The following ARIH2 variants were observed in gnomAD, a reference collection of about 807,000 sequenced individuals.
ARIH2 encodes the protein ariadne RBR E3 ubiquitin protein ligase 2.
In ARIH2, 12 loss-of-function variants were observed where a neutral mutation model predicts 79.8. The ratio of observed to expected loss-of-function variants is 0.15; its 90% CI spans 0.10 to 0.24. ARIH2 has a LOEUF of 0.24. ARIH2 is among the 10% of genes least tolerant of loss of function. The probability of loss-of-function intolerance (pLI) is 1.00; values close to 1 mark genes in which losing one functional copy is unlikely to be tolerated. For synonymous variants in ARIH2, 224 were observed against 213.9 expected, an observed-to-expected ratio of 1.05 and a Z score of -0.41; for missense variants, 301 against 618.3, an observed-to-expected ratio of 0.49 and a Z score of 5.44.
At chr3:48,966,358 G>C (rs1216121798) in intron 5 of ARIH2, among the ~76,000 whole-genome samples, 1 of 152,140 alleles carries the variant, frequency 6.6e-6, no homozygotes, top group Admixed American at 6.6e-5. Context: ...TAATGTTCTT[G>C]TAAGTGGACT....
Position 48,927,689 on chromosome 3 carries a change from G to T in ARIH2, c.131G>T (p.Ser44Ile). The T allele has an allele frequency of 6.2e-7, 1 of 1,614,174 alleles. No homozygotes were observed. Among genetic ancestry groups the T allele is most frequent in the Non-Finnish European group, 8.5e-7 (1 of 1,180,028 alleles). Residue 44 changes from serine to isoleucine, a missense_variant, in exon 3 of 16, where the codon AGC (serine) becomes ATC (isoleucine). Ser to Ile is a moderately radical substitution (Grantham distance 142). Around this residue, in one of 2 missense-constraint regions of ARIH2, gnomAD observed 223 missense variants for 349.4 expected, o/e 0.64. Transcript: ENST00000356401. ...DIEDYYVGVA[S>I]DVEQQGADAF... is the part of the protein sequence containing the mutation. Reference sequence around the variant, plus strand: ...GAGGACTATTACGTGGGAGTAGCCAGCGATGTGGAGCAGCAGGGGGCTGAT... The same window carrying T: ...GAGGACTATTACGTGGGAGTAGCCATCGATGTGGAGCAGCAGGGGGCTGAT...
intron 8 of ARIH2, 197 bp from the exon 9 acceptor site, chr3:48,973,502 G>A (rs774711293): frequency 9.6e-6 from 4 of 418,838 alleles, no homozygotes; most frequent in Non-Finnish European, 1.8e-5. Flanking sequence ...GCATGAACCC[G>A]GGAGGCAGAG....
chr3:48,963,226 A>C (rs1049968277), intron 4 of ARIH2, among the ~76,000 whole-genome samples: 1 of 152,224 alleles, frequency 6.6e-6, no homozygotes, highest in Non-Finnish European at 1.5e-5. Flanking sequence ...ATGGAATTGC[A>C]GATGAACTGC....
chr3:48,939,757 C>CAAAAA (rs1190260583), intron 3 of ARIH2, among the ~76,000 whole-genome samples: 12 of 43,472 alleles, frequency 2.8e-4, no homozygotes, highest in Admixed American at 5.6e-4. Flanking sequence ...GACTCCATCT[C>CAAAAA]AAAAAAAAAA....
chr3:48,947,108 C>T (rs987964512), intron 3 of ARIH2, among the ~76,000 whole-genome samples: 2 of 152,082 alleles, frequency 1.3e-5, no homozygotes, highest in African/African-American at 4.8e-5. Flanking sequence ...AGCAGAACAT[C>T]CGGTGAAATA....
At chr3:48,923,156 G>A (rs994493630) in intron 2 of ARIH2, among the ~76,000 whole-genome samples, 1 of 151,320 alleles carries the variant, frequency 6.6e-6, no homozygotes, top group Non-Finnish European at 1.5e-5. Flanking sequence ...GCAGTGAGCC[G>A]AGATCCCGCC....
At chr3:48,958,927 A>G (rs2090926290) in intron 3 of ARIH2, among the ~76,000 whole-genome samples, 6 of 151,922 alleles carry the variant, frequency 3.9e-5, no homozygotes, top group African/African-American at 1.5e-4. Context: ...AGCTGGGAGT[A>G]TCACTTGAGC....
At chr3:48,957,239 C>T (rs2090697375) in intron 3 of ARIH2, among the ~76,000 whole-genome samples, 1 of 152,224 alleles carries the variant, frequency 6.6e-6, no homozygotes, top group South Asian at 2.1e-4. Context: ...TAGGTGAGCA[C>T]TACCTAGTGT....
At chr3:48,931,902 A>G (rs2086419418) in intron 3 of ARIH2, among the ~76,000 whole-genome samples, 2 of 152,112 alleles carry the variant, frequency 1.3e-5, no homozygotes, top group East Asian at 3.9e-4. Flanking sequence ...CCAGCTACTC[A>G]GGAGGCTGAG....
At chr3:48,940,403 G>A (rs912374636) in intron 3 of ARIH2, among the ~76,000 whole-genome samples, 6 of 151,726 alleles carry the variant, frequency 4.0e-5, no homozygotes, top group Non-Finnish European at 5.9e-5. Flanking sequence ...GAGAGAGAGC[G>A]CACAAGTGAG....
rs1398927470 is a variant in ARIH2 at position 48,986,321 on chromosome 3, C to G, written c.*3051C>G. 6.6e-6 allele frequency: 1 copy of G among 152,208 alleles called. No individual in the cohort carries two copies. The highest frequency in any genetic ancestry group is 2.4e-5 in the African/African-American group (1 of 41,438). The allele number at this position is 152,208 out of a possible 1,614,324, so 9.4% of individuals were successfully genotyped here. ...CATGGGGAACATAGAAGGAATTGAT[C>G]ACTAGTGAATGTTTGTTTTTTGTTT... On this transcript the variant is annotated 3_prime_UTR_variant, in exon 16 of 16. Transcript: ENST00000356401.
intron 3 of ARIH2, among the ~76,000 whole-genome samples, chr3:48,955,293 C>T (rs986450214): frequency 6.6e-6 from 1 of 151,570 alleles, no homozygotes; most frequent in Non-Finnish European, 1.5e-5. Flanking sequence ...TTCTTCTGAA[C>T]ACCACATTGG....
intron 11 of ARIH2, among the ~76,000 whole-genome samples, chr3:48,979,027 TTTATTC>T (rs1360032429): frequency 1.3e-5 from 2 of 152,068 alleles, no homozygotes; most frequent in Non-Finnish European, 2.9e-5. Flanking sequence ...GGGGAAAGCC[TTTATTC>T]TTAGTTTCAT....
At chr3:48,960,817 T>C (rs1014485801) in intron 3 of ARIH2, among the ~76,000 whole-genome samples, 1 of 152,020 alleles carries the variant, frequency 6.6e-6, no homozygotes, top group Non-Finnish European at 1.5e-5. Context: ...AAAATAACCA[T>C]GTAGTAGTCC....
chr3:48,942,152 GC>G (rs1337110431), intron 3 of ARIH2, among the ~76,000 whole-genome samples: 2 of 151,168 alleles, frequency 1.3e-5, no homozygotes, highest in Non-Finnish European at 2.9e-5. Flanking sequence ...CTGAGTTCAA[GC>G]AATTCTCCTG....
chr3:48,931,271 C>T (rs534797893), intron 3 of ARIH2, among the ~76,000 whole-genome samples: 13 of 152,082 alleles, frequency 8.5e-5, no homozygotes, highest in Non-Finnish European at 1.3e-4. Context: ...TTTGGCCAGG[C>T]GCAGTGGCTC....
At chr3:48,933,235 G>GGTGTGT (rs57911300) in intron 3 of ARIH2, among the ~76,000 whole-genome samples, 35 of 134,408 alleles carry the variant, frequency 2.6e-4, no homozygotes, top group Non-Finnish European at 4.6e-4. Flanking sequence ...CACATGCCCG[G>GGTGTGT]GTGTGTGTGT....
intron 2 of ARIH2, among the ~76,000 whole-genome samples, chr3:48,923,171 C>T (rs529452371): frequency 6.6e-6 from 1 of 151,570 alleles, no homozygotes; most frequent in East Asian, 1.9e-4. Context: ...CCCGCCACTG[C>T]ACTCCAGCCT....
In ARIH2 at chr3:48,980,483, A is replaced by G. The variant is rs918121667; in HGVS notation, c.1244A>G (p.Lys415Arg). Residue 415 changes from lysine (K) to arginine (R), a missense_variant, in exon 13 of 16, where the codon AAG becomes AGG. Around this residue, in one of 2 missense-constraint regions of ARIH2, gnomAD observed 78 missense variants for 268.9 expected, o/e 0.29. Transcript: ENST00000356401. ...IDWQYLQNAA[K>R]LLAKCRYTLQ... ...TGGCAGTACCTACAGAATGCTGCCA[A>G]GCTCTTGGCCAAGGTATCTACCACT... 5 of 1,613,916 alleles carry G rather than the reference A, an allele frequency of 3.1e-6. No individual in the cohort carries two copies. In the Admixed American group the frequency reaches 8.3e-5, roughly 27 times the overall value.
Sources: gnomAD v4.1 joint callset for allele counts (sites outside exome capture counted in the v4.1 genomes callset) on GRCh38, gnomAD v4.1.1 for gene constraint, gnomAD v4.1.1 regional missense constraint, MANE v1.5 for transcripts, NCBI Gene and HGNC (gene_info 2026-07-23, HGNC 2026-07-21) for gene names.